The following SERPINA1 variants were observed in gnomAD, a reference collection of about 807,000 sequenced individuals.
The protein encoded by SERPINA1 is serpin family A member 1.
Under a neutral mutation model 25.4 loss-of-function variants are expected in SERPINA1, and 21 were observed. The ratio of observed to expected loss-of-function variants is 0.83; its 90% CI spans 0.59 to 1.19. SERPINA1 has a LOEUF of 1.19. Ranked by LOEUF, SERPINA1 falls within the 50% of genes most tolerant of loss-of-function variation. SERPINA1 has a pLI of 0.00. For missense variants in SERPINA1, 546 were observed against 509.0 expected (o/e 1.07, Z -0.70); for synonymous variants, 218 against 211.1 (o/e 1.03, Z -0.29).
At position 94,382,838 on chromosome 14, in the gene SERPINA1, GC is replaced by G. The variant is rs1335527833; in HGVS notation, c.399del (p.Gln133HisfsTer4). On this transcript the variant is annotated frameshift_variant, in exon 2 of 5. Coordinates refer to ENST00000393087, the MANE Select transcript of SERPINA1 (RefSeq NM_000295.5). LOFTEE classifies it high-confidence loss of function. ...LLRTLNQPDS[Q>X]LQLTTGNGLF... ...AGGCCATTGCCGGTGGTCAGCTGGA[GC>G]TGGCTGTCTGGCTGGTTGAGGGTAC... The G allele has an allele frequency of 6.2e-7, 1 of 1,614,182 alleles. No individual in the cohort carries two copies. Among genetic ancestry groups the G allele is most frequent in the Middle Eastern group, 1.6e-4 (1 of 6,062 alleles).
chr14:94,379,490 CTG>C lies in SERPINA1; in HGVS notation c.1037_1038del (p.Thr346ArgfsTer13). ...FSNGADLSGV[T>X]EEAPLKLSKA... ...TTGGAGAGCTTCAGGGGTGCCTCCT[CTG>C]TGACCCCGGAGAGGTCAGCCCCATT... On this transcript the variant is annotated frameshift_variant, in exon 4 of 5. Transcript: ENST00000393087. LOFTEE classifies it low-confidence loss of function (END_TRUNC). The C allele has an allele frequency of 6.2e-7, 1 of 1,601,468 alleles. No homozygotes were observed. Among genetic ancestry groups the C allele is most frequent in the South Asian group, 1.1e-5 (1 of 90,624 alleles).
chr14:94,386,331 C>T (rs917014589), intron 1 of SERPINA1, among the ~76,000 whole-genome samples: 7 of 152,146 alleles, frequency 4.6e-5, no homozygotes, highest in African/African-American at 1.7e-4. Flanking sequence ...CCACTCCCTG[C>T]CTAATCTCAC....
At position 94,380,268 on chromosome 14, in the gene SERPINA1, C is replaced by A. The variant is rs534714906; in HGVS notation, c.917+603G>T. ...CAGTGTACAAAACGAACTAGATCAG[C>A]AGGGCATGGGCATAATCACGAATGC... On this transcript the variant is annotated intron_variant, in intron 3 of 4. Transcript: ENST00000393087. Among the ~76,000 whole-genome samples, 13 of 151,838 alleles carry A rather than the reference C, an allele frequency of 8.6e-5. No homozygotes were observed. The East Asian group carries it at 1.6e-3, about 18-fold the overall frequency.
upstream of SERPINA1, among the ~76,000 whole-genome samples, chr14:94,389,168 C>T (rs578039141): frequency 1.1e-4 from 17 of 152,292 alleles, no homozygotes; most frequent in African/African-American, 2.4e-4. Flanking sequence ...CAGACACAAC[C>T]GTCAGGCTGG....
At chr14:94,378,767 C>G in intron 4 of SERPINA1, 127 bp from the exon 5 acceptor site, 1 of 997,838 alleles carries the variant, frequency 1.0e-6, no homozygotes. Context: ...TCCTCTCCCT[C>G]CCTGTCACAT....
At chr14:94,379,331 AT>A (rs1896663618) in intron 4 of SERPINA1, 132 bp downstream of exon 4, 1 of 1,323,142 alleles carries the variant, frequency 7.6e-7, no homozygotes. Flanking sequence ...AATCACGGGC[AT>A]CTTCAGGAGC....
chr14:94,378,147 G>A lies in SERPINA1; in HGVS notation c.*302C>T. ...CTTGGGGACTCCAAGACAGGACAAG[G>A]AAGACTGGAGCCCTCCAGAAACAGA... is the stretch of plus-strand genomic sequence containing the variant. On this transcript the variant is annotated 3_prime_UTR_variant, in exon 5 of 5. Transcript: ENST00000393087. 1 of 467,908 alleles carries A rather than the reference G, an allele frequency of 2.1e-6. No individual in the cohort carries two copies. Among genetic ancestry groups the A allele is most frequent in the South Asian group, 2.4e-5 (1 of 41,420 alleles). 29.0% of individuals were successfully genotyped at this position (467,908 alleles called of 1,614,324 possible). A position where few individuals can be genotyped will look rare whatever the true frequency, so the allele number is the denominator to read the frequency against.
chr14:94,380,809 C>T (rs2139681144), intron 3 of SERPINA1, 62 bp downstream of exon 3: 2 of 1,607,842 alleles, frequency 1.2e-6, no homozygotes, highest in East Asian at 2.2e-5. Flanking sequence ...TGATGGGCCT[C>T]AGTCCCAACA....
Position 94,378,340 on chromosome 14 carries a change from TG to T in SERPINA1, c.*108del. On this transcript the variant is annotated 3_prime_UTR_variant, in exon 5 of 5. Transcript: ENST00000393087. ...GGCAAAGGGAGACTCAGAGAAAACA[TG>T]GGAGGGATTTACAGTCACATGCAGG... The T allele has an allele frequency of 1.1e-6, 1 of 948,932 alleles. No individual in the cohort carries two copies. Among genetic ancestry groups the T allele is most frequent in the Non-Finnish European group, 1.7e-6 (1 of 593,448 alleles). 58.8% of individuals were successfully genotyped at this position (948,932 alleles called of 1,614,324 possible). A position where few individuals can be genotyped will look rare whatever the true frequency, so the allele number is the denominator to read the frequency against.
chr14:94,381,217 G>C, intron 2 of SERPINA1, 76 bp from the exon 3 acceptor site: 1 of 1,464,606 alleles, frequency 6.8e-7, no homozygotes, highest in Non-Finnish European at 9.3e-7. Context: ...AAGAAACCAT[G>C]AGTCCCCTCC....
intron 2 of SERPINA1, among the ~76,000 whole-genome samples, chr14:94,381,896 C>G (rs552301322): frequency 6.6e-6 from 1 of 152,326 alleles, no homozygotes; most frequent in East Asian, 1.9e-4. Flanking sequence ...TGCCTCCCAC[C>G]TCCCCTCCCC....
upstream of SERPINA1, chr14:94,390,456 C>T (rs1395579402): frequency 6.6e-6 from 1 of 152,604 alleles, no homozygotes; most frequent in Non-Finnish European, 1.5e-5. Context: ...CAATGTCCCA[C>T]CTTTCCTGCT....
At chr14:94,387,653 C>T (rs761273719) in intron 1 of SERPINA1, among the ~76,000 whole-genome samples, 8 of 152,136 alleles carry the variant, frequency 5.3e-5, no homozygotes, top group South Asian at 2.1e-4. Context: ...CCCCATCCAG[C>T]GCCTGAGACC....
At position 94,381,009 on chromosome 14, in the gene SERPINA1, G is replaced by A. The variant is rs1595607823; in HGVS notation, c.779C>T (p.Ser260Phe). Reference protein sequence around the residue: ...MFNIQHCKKLSSWVLLMKYLG... With the variant: ...MFNIQHCKKLFSWVLLMKYLG... ...GTATTTCATCAGCAGCACCCAGCTG[G>A]ACAGCTTCTTACAGTGCTGGATGTT... Residue 260 changes from serine to phenylalanine, a missense_variant, in exon 3 of 5, where the codon TCC becomes TTC. By Grantham distance (155) the Ser-to-Phe change is radical. Transcript: ENST00000393087. 1.9e-6 allele frequency: 3 copies of A among 1,614,064 alleles called. No individual in the cohort carries two copies. The highest frequency in any genetic ancestry group is 2.5e-6 in the Non-Finnish European group (3 of 1,180,024).
upstream of SERPINA1, chr14:94,389,837 G>C (rs1357668180): frequency 6.6e-6 from 1 of 152,248 alleles, no homozygotes; most frequent in African/African-American, 2.4e-5. Context: ...TCAGACCAGG[G>C]AACCCACTTA....
In SERPINA1 at chr14:94,378,318, A is replaced by C. The variant is rs1195052172; in HGVS notation, c.*131T>G. The stretch of plus-strand genomic sequence containing the variant: ...GAGCCCACATACAGCCTCAGCAGGC[A>C]AAGGGAGACTCAGAGAAAACATGGG... On this transcript the variant is annotated 3_prime_UTR_variant, in exon 5 of 5. Coordinates refer to ENST00000393087, the MANE Select transcript of SERPINA1 (RefSeq NM_000295.5). 2.2e-5 allele frequency: 18 copies of C among 805,616 alleles called. No individual in the cohort carries two copies. The highest frequency in any genetic ancestry group is 3.8e-5 in the Non-Finnish European group (18 of 479,650). 49.9% of individuals were successfully genotyped at this position (805,616 alleles called of 1,614,324 possible).
Position 94,380,965 on chromosome 14 carries a change from T to A in SERPINA1, c.823A>T (p.Ile275Phe), listed in dbSNP as rs1295161543. The change falls in exon 3 of 5, where the codon ATC becomes TTC. Residue 275 changes from isoleucine to phenylalanine, a missense_variant. Physicochemically the swap from Ile to Phe is conservative, Grantham distance 21. Transcript: ENST00000393087. ...LMKYLGNATAIFFLPDEGKLQ... is the reference protein window; with the variant it reads ...LMKYLGNATAFFFLPDEGKLQ... Reference sequence around the variant, plus strand: ...TTCCCCTCATCAGGCAGGAAGAAGATGGCGGTGGCATTGCCCAGGTATTTC... The same window carrying A: ...TTCCCCTCATCAGGCAGGAAGAAGAAGGCGGTGGCATTGCCCAGGTATTTC... 4 of 1,614,172 alleles carry A rather than the reference T, an allele frequency of 2.5e-6. No individual in the cohort carries two copies. The highest frequency in any genetic ancestry group is 2.5e-6 in the Non-Finnish European group (3 of 1,180,028).
chr14:94,382,728 G>C lies in SERPINA1; in HGVS notation c.510C>G (p.Asn170Lys), dbSNP rs778188056. The C allele has an allele frequency of 1.9e-6, 3 of 1,614,238 alleles. No homozygotes were observed. The Admixed American group carries it at 5.0e-5, about 27-fold the overall frequency. ...TCTTGGCCTCTTCGGTGTCCCCGAA[G>C]TTGACAGTGAAGGCTTCTGAGTGGT... ...KLYHSEAFTV[N>K]FGDTEEAKKQ... The change falls in exon 2 of 5, where the codon AAC becomes AAG. Residue 170 changes from asparagine (N) to lysine (K), a missense_variant. Transcript: ENST00000393087.
Position 94,380,911 on chromosome 14 carries a change from G to C in SERPINA1, c.877C>G (p.His293Asp). The change falls in exon 3 of 5, where the codon CAC (histidine) becomes GAC (aspartate). Residue 293 changes from histidine to aspartate, a missense_variant. Transcript: ENST00000393087. ...KLQHLENELT[H>D]DIITKFLENE... ...TCCAGGAACTTGGTGATGATATCGT[G>C]GGTGAGTTCATTTTCCAGGTGCTGT... 1 of 1,614,182 alleles carries C rather than the reference G, an allele frequency of 6.2e-7. No homozygotes were observed.
Sources: gnomAD v4.1 joint callset for allele counts (sites outside exome capture counted in the v4.1 genomes callset) on GRCh38, gnomAD v4.1.1 for gene constraint, MANE v1.5 for transcripts, NCBI Gene and HGNC (gene_info 2026-07-23, HGNC 2026-07-21) for gene names.